The following SNTG2 variants were observed in gnomAD, a reference collection of about 807,000 sequenced individuals.
SNTG2 encodes the protein syntrophin gamma 2.
In SNTG2, 74 loss-of-function variants were observed where a neutral mutation model predicts 70.9. The ratio of observed to expected loss-of-function variants is 1.04; its 90% CI spans 0.86 to 1.27. SNTG2 has a LOEUF of 1.27. SNTG2 is among the 50% of genes most tolerant of loss of function. The pLI is 0.00. For missense variants in SNTG2, 717 were observed against 690.7 expected (o/e 1.04, Z -0.43); for synonymous variants, 278 against 273.8 (o/e 1.02, Z -0.15).
intron 4 of SNTG2, among the ~76,000 whole-genome samples, chr2:1,134,405 A>C (rs1668227171): frequency 6.6e-6 from 1 of 151,758 alleles, no homozygotes; most frequent in African/African-American, 2.4e-5. Context: ...TGAGCTAGAC[A>C]CAAAGGTTCT....
At chr2:1,085,402 T>C (rs1664621647) in intron 2 of SNTG2, among the ~76,000 whole-genome samples, 1 of 152,158 alleles carries the variant, frequency 6.6e-6, no homozygotes, top group South Asian at 2.1e-4. Context: ...TTAAGAAAAA[T>C]GGGCCTATGC....
intron 4 of SNTG2, among the ~76,000 whole-genome samples, chr2:1,103,707 A>G (rs1665942297): frequency 6.6e-6 from 1 of 152,064 alleles, no homozygotes; most frequent in Admixed American, 6.5e-5. Flanking sequence ...AATTTCTACC[A>G]ATGATCCATT....
intron 1 of SNTG2, among the ~76,000 whole-genome samples, chr2:988,441 T>G (rs1661396965): frequency 6.6e-6 from 1 of 152,216 alleles, no homozygotes; most frequent in African/African-American, 2.4e-5. Context: ...TTTTGATTTT[T>G]TTTGGCTTCT....
chr2:1,103,393 T>G (rs1321144562), intron 4 of SNTG2: 2 of 278,566 alleles, frequency 7.2e-6, no homozygotes, highest in African/African-American at 4.7e-5. Context: ...TTTTTTTTAT[T>G]TTTTTTTTTA....
chr2:959,166 A>G (rs1399386490), intron 1 of SNTG2, among the ~76,000 whole-genome samples: 1 of 152,236 alleles, frequency 6.6e-6, no homozygotes, highest in Non-Finnish European at 1.5e-5. Flanking sequence ...TAAAGAGGAA[A>G]ATCTAGTAGC....
intron 1 of SNTG2, among the ~76,000 whole-genome samples, chr2:1,080,989 G>A (rs911657741): frequency 1.3e-5 from 2 of 152,124 alleles, no homozygotes; most frequent in African/African-American, 2.4e-5. Context: ...CATAGTAACT[G>A]GCAGGGAGCG....
chr2:1,103,218 A>AT, intron 4 of SNTG2, among the ~76,000 whole-genome samples: 1 of 152,222 alleles, frequency 6.6e-6, no homozygotes, highest in East Asian at 1.9e-4. Flanking sequence ...GAGATTGTAT[A>AT]TTTTGGGGAG....
intron 9 of SNTG2, among the ~76,000 whole-genome samples, chr2:1,233,175 C>T (rs769549788): frequency 6.6e-6 from 1 of 152,206 alleles, no homozygotes; most frequent in Non-Finnish European, 1.5e-5. Context: ...GGCATTGAAG[C>T]TTTGACGAGC....
intron 1 of SNTG2, among the ~76,000 whole-genome samples, chr2:975,281 C>T (rs944754552): frequency 4.0e-5 from 6 of 151,850 alleles, no homozygotes; most frequent in Admixed American, 1.3e-4. Flanking sequence ...AAACACCACA[C>T]GCTTGGACTC....
At chr2:1,336,254 T>C (rs1258624272) in intron 16 of SNTG2, among the ~76,000 whole-genome samples, 1 of 152,198 alleles carries the variant, frequency 6.6e-6, no homozygotes, top group African/African-American at 2.4e-5. Flanking sequence ...GCTGGCCATC[T>C]GTCTGTCTTC....
In SNTG2 at chr2:1,112,879, TACTA is replaced by T. The variant is rs572393684; in HGVS notation, c.325+14473_325+14476del. ...ATACTCCTTTGAGAAGAATCGTGTGTACTAACTGAGGTTTAACCCTCACAGTACT... is the reference window on the plus strand; with the variant it reads ...ATACTCCTTTGAGAAGAATCGTGTGTACTGAGGTTTAACCCTCACAGTACT... On this transcript the variant is annotated intron_variant, in intron 4 of 16. Transcript: ENST00000308624. 1.0e-3 allele frequency among the ~76,000 whole-genome samples: 157 copies of T among 151,842 alleles called. 4 individuals are homozygous for T. In the South Asian group the frequency reaches 0.012, roughly 11 times the overall value.
At chr2:1,239,116 C>T (rs903076556) in intron 10 of SNTG2, among the ~76,000 whole-genome samples, 2 of 152,102 alleles carry the variant, frequency 1.3e-5, no homozygotes, top group Admixed American at 6.5e-5. Context: ...AAGGATGGTG[C>T]TTGACTTATA....
At chr2:1,205,735 C>T (rs1673593893) in intron 8 of SNTG2, among the ~76,000 whole-genome samples, 2 of 152,116 alleles carry the variant, frequency 1.3e-5, no homozygotes, top group African/African-American at 4.8e-5. Flanking sequence ...GTGTGGCTTG[C>T]GTTTTTGGTT....
At chr2:1,296,556 G>C (rs1352435275) in intron 14 of SNTG2, among the ~76,000 whole-genome samples, 1 of 152,248 alleles carries the variant, frequency 6.6e-6, no homozygotes, top group African/African-American at 2.4e-5. Context: ...CCCCCACAGA[G>C]ATAGAGGTTG....
In SNTG2 at chr2:1,259,368, A is replaced by G; in HGVS notation, c.1006-2A>G. On this transcript the variant is annotated splice_acceptor_variant, in intron 12 of 16. Transcript: ENST00000308624. LOFTEE classifies it high-confidence loss of function. ...TCATGGAACGTTCTCTGTTTCTTGC[A>G]GGTGAGCACATTCGATTGGGTGCGA... 6.2e-7 allele frequency: 1 copy of G among 1,613,808 alleles called. No homozygotes were observed. The highest frequency in any genetic ancestry group is 1.1e-5 in the South Asian group (1 of 91,022).
chr2:1,223,719 GAGA>G (rs892870925), intron 9 of SNTG2, among the ~76,000 whole-genome samples: 2 of 152,156 alleles, frequency 1.3e-5, no homozygotes, highest in Non-Finnish European at 2.9e-5. Context: ...AGAGTGGATG[GAGA>G]AGGTTTTAAA....
intron 1 of SNTG2, among the ~76,000 whole-genome samples, chr2:1,019,984 A>T (rs1198429303): frequency 2.0e-5 from 3 of 152,222 alleles, no homozygotes; most frequent in Non-Finnish European, 4.4e-5. Context: ...CAGAGGTTGC[A>T]GTGAGCTGAG....
At chr2:1,271,444 T>G (rs1679014562) in intron 14 of SNTG2, among the ~76,000 whole-genome samples, 1 of 152,058 alleles carries the variant, frequency 6.6e-6, no homozygotes, top group Non-Finnish European at 1.5e-5. Flanking sequence ...CCTGTTAGAA[T>G]TTAAAATTAA....
intron 14 of SNTG2, among the ~76,000 whole-genome samples, chr2:1,289,963 TTTCC>T: frequency 1.3e-5 from 2 of 152,334 alleles, no homozygotes; most frequent in South Asian, 4.1e-4. Context: ...CATGTCAGAA[TTTCC>T]TTCCTTTCTA....
Sources: gnomAD v4.1 joint callset for allele counts (sites outside exome capture counted in the v4.1 genomes callset) on GRCh38, gnomAD v4.1.1 for gene constraint, MANE v1.5 for transcripts, NCBI Gene and HGNC (gene_info 2026-07-23, HGNC 2026-07-21) for gene names.